KCNIP4: variants seen among roughly 807,000 people sequenced by gnomAD.
The protein encoded by KCNIP4 is Kv channel-interacting protein 4.
Under a neutral mutation model 34.0 loss-of-function variants are expected in KCNIP4, and 12 were observed. The ratio of observed to expected loss-of-function variants is 0.35; its 90% CI spans 0.23 to 0.57. The LOEUF is 0.57. KCNIP4 is among the 20% of genes least tolerant of loss of function. KCNIP4 has a pLI of 0.83. For missense variants in KCNIP4, 238 were observed against 311.7 expected (o/e 0.76, Z 1.78); for synonymous variants, 124 against 102.2 (o/e 1.21, Z -1.29).
intron 1 of KCNIP4, among the ~76,000 whole-genome samples, chr4:21,217,597 G>A (rs1757681157): frequency 6.6e-6 from 1 of 152,184 alleles, no homozygotes; most frequent in Non-Finnish European, 1.5e-5. Flanking sequence ...TTGAACATGA[G>A]CTGCAAGGGG....
At chr4:21,669,497 A>G (rs995146587) in intron 1 of KCNIP4, among the ~76,000 whole-genome samples, 2 of 152,220 alleles carry the variant, frequency 1.3e-5, no homozygotes. Flanking sequence ...AATCAACTGA[A>G]TATATTATCA....
chr4:21,668,420 C>G (rs1039276383), intron 1 of KCNIP4, among the ~76,000 whole-genome samples: 2 of 152,076 alleles, frequency 1.3e-5, no homozygotes, highest in East Asian at 3.8e-4. Flanking sequence ...TTACTAAGCA[C>G]AAGGTATGAT....
chr4:21,145,838 C>G (rs1241195200), intron 1 of KCNIP4, among the ~76,000 whole-genome samples: 1 of 152,120 alleles, frequency 6.6e-6, no homozygotes, highest in African/African-American at 2.4e-5. Context: ...TTTCCAATAC[C>G]CACGCCTGAC....
intron 1 of KCNIP4, among the ~76,000 whole-genome samples, chr4:21,130,683 A>G (rs1750998468): frequency 6.6e-6 from 1 of 152,206 alleles, no homozygotes; most frequent in Non-Finnish European, 1.5e-5. Flanking sequence ...AACTCTGGGT[A>G]CTTGTCCTGG....
intron 1 of KCNIP4, among the ~76,000 whole-genome samples, chr4:21,513,283 A>G (rs1734485045): frequency 6.6e-6 from 1 of 152,200 alleles, no homozygotes; most frequent in South Asian, 2.1e-4. Flanking sequence ...TACCTTTACT[A>G]TTCCAGAAGA....
chr4:21,228,227 A>T (rs575332322), intron 1 of KCNIP4, among the ~76,000 whole-genome samples: 1 of 152,032 alleles, frequency 6.6e-6, no homozygotes, highest in South Asian at 2.1e-4. Flanking sequence ...CTTCCTCCTT[A>T]CTGTTCTCAT....
At chr4:21,400,521 T>TCCCCTCCCCTCCCC (rs1560369229) in intron 1 of KCNIP4, among the ~76,000 whole-genome samples, 5 of 36,400 alleles carry the variant, frequency 1.4e-4, no homozygotes, top group East Asian at 4.3e-3. Flanking sequence ...TCCTCTTCTC[T>TCCCCTCCCCTCCCC]TCTCTTCTCT....
intron 1 of KCNIP4, among the ~76,000 whole-genome samples, chr4:21,469,952 G>A (rs1045789993): frequency 6.6e-6 from 1 of 152,128 alleles, no homozygotes; most frequent in Non-Finnish European, 1.5e-5. Flanking sequence ...TAACTTTTGG[G>A]ATGTTCATAA....
intron 1 of KCNIP4, among the ~76,000 whole-genome samples, chr4:21,384,111 A>C (rs965671064): frequency 3.9e-5 from 6 of 151,990 alleles, no homozygotes; most frequent in African/African-American, 1.2e-4. Context: ...AGGTTTTTGC[A>C]TGTCTATCTC....
chr4:21,526,977 G>T (rs894739727), intron 1 of KCNIP4, among the ~76,000 whole-genome samples: 1 of 152,096 alleles, frequency 6.6e-6, no homozygotes, highest in African/African-American at 2.4e-5. Flanking sequence ...CAGGGAACGG[G>T]TCTACCCCTA....
chr4:21,221,143 C>T (rs1388766639), intron 1 of KCNIP4, among the ~76,000 whole-genome samples: 2 of 152,122 alleles, frequency 1.3e-5, no homozygotes, highest in Non-Finnish European at 2.9e-5. Flanking sequence ...TGGATTACAG[C>T]TCATTGTTCA....
At chr4:21,027,825 T>C (rs1740683618) in intron 1 of KCNIP4, among the ~76,000 whole-genome samples, 1 of 152,124 alleles carries the variant, frequency 6.6e-6, no homozygotes, top group Non-Finnish European at 1.5e-5. Flanking sequence ...TATTCACTCT[T>C]CTTTGTTTTT....
chr4:20,795,210 T>A (rs182957218), intron 3 of KCNIP4, among the ~76,000 whole-genome samples: 25 of 152,174 alleles, frequency 1.6e-4, no homozygotes, highest in Admixed American at 1.3e-3. Context: ...AAAGAAGAGG[T>A]GTCTTCTTTA....
At chr4:21,141,040 AT>A (rs1751911297) in intron 1 of KCNIP4, among the ~76,000 whole-genome samples, 1 of 152,364 alleles carries the variant, frequency 6.6e-6, no homozygotes, top group South Asian at 2.1e-4. Flanking sequence ...AATAAAGCAA[AT>A]ATAGCAACAG....
intron 1 of KCNIP4, among the ~76,000 whole-genome samples, chr4:20,948,984 C>T (rs911251836): frequency 6.6e-6 from 1 of 152,104 alleles, no homozygotes; most frequent in Non-Finnish European, 1.5e-5. Context: ...CCCTGCCACC[C>T]CTTTTGTATG....
At chr4:21,853,364 GA>G (rs1374478879) in intron 1 of KCNIP4, among the ~76,000 whole-genome samples, 1 of 152,178 alleles carries the variant, frequency 6.6e-6, no homozygotes, top group Non-Finnish European at 1.5e-5. Flanking sequence ...AGACCCAGGA[GA>G]ACTAAGTTTT....
chr4:21,488,732 C>T (rs1262893627), intron 1 of KCNIP4, among the ~76,000 whole-genome samples: 1 of 152,072 alleles, frequency 6.6e-6, no homozygotes, highest in Non-Finnish European at 1.5e-5. Flanking sequence ...AATGAATCCA[C>T]ACCAGAGACA....
chr4:21,650,053 C>T (rs1290424330), intron 1 of KCNIP4, among the ~76,000 whole-genome samples: 1 of 152,156 alleles, frequency 6.6e-6, no homozygotes, highest in East Asian at 1.9e-4. Flanking sequence ...ACCCCAAACT[C>T]AATCTGCATA....
chr4:21,393,445 T>C (rs753021038), intron 1 of KCNIP4, among the ~76,000 whole-genome samples: 6 of 152,102 alleles, frequency 3.9e-5, no homozygotes, highest in Admixed American at 1.3e-4. Flanking sequence ...GCTATAACTA[T>C]GCAGGGGTGG....
Sources: allele counts gnomAD v4.1 joint callset (sites outside exome capture counted in the v4.1 genomes callset), GRCh38; gene constraint gnomAD v4.1.1; transcripts MANE v1.5; gene names NCBI Gene and HGNC (gene_info 2026-07-23, HGNC 2026-07-21).